Variants in ILDR1 observed in about 807,000 individuals in gnomAD.
ILDR1 encodes immunoglobulin like domain containing receptor 1.
Under a neutral mutation model 62.4 loss-of-function variants are expected in ILDR1, and 56 were observed. The ratio of observed to expected loss-of-function variants is 0.90; its 90% CI spans 0.72 to 1.12. The LOEUF is 1.12. ILDR1 is among the 50% of genes most tolerant of loss of function. ILDR1 has a pLI of 0.00. For missense variants in ILDR1, 736 were observed against 710.6 expected, an observed-to-expected ratio of 1.04 and a Z score of -0.41; for synonymous variants, 284 against 277.8, an observed-to-expected ratio of 1.02 and a Z score of -0.22.
In ILDR1 at chr3:121,988,239, T is replaced by G. The variant is rs767179327; in HGVS notation, c.*128A>C. 8.9e-6 allele frequency: 7 copies of G among 786,434 alleles called. No homozygotes were observed. Among genetic ancestry groups the G allele is most frequent in the Non-Finnish European group, 1.6e-5 (7 of 438,866 alleles). 48.7% of individuals were successfully genotyped at this position (786,434 alleles called of 1,614,324 possible). On this transcript the variant is annotated 3_prime_UTR_variant, in exon 8 of 8. Transcript: ENST00000344209. Reference sequence around the variant, plus strand: ...TTGTATTTAAAATTCTTCTATTTGATTCTCAGAATCTAAGCCAAAAACTGT... The same window carrying G: ...TTGTATTTAAAATTCTTCTATTTGAGTCTCAGAATCTAAGCCAAAAACTGT...
chr3:122,035,778 A>G, the ILDR1 span, among the ~76,000 whole-genome samples: 2 of 152,202 alleles, frequency 1.3e-5, no homozygotes, highest in Non-Finnish European at 2.9e-5. Context: ...AAAATTACCC[A>G]GTCTCATGTA....
Position 121,993,154 on chromosome 3 carries a change from C to A in ILDR1, c.1595G>T (p.Arg532Leu), listed in dbSNP as rs781753189. 13 of 1,588,190 alleles carry A rather than the reference C, an allele frequency of 8.2e-6. No individual in the cohort carries two copies. The highest frequency in any genetic ancestry group is 2.3e-5 in the South Asian group (2 of 87,444). The change falls in exon 7 of 8, where the codon CGC becomes CTC. Residue 532 changes from arginine to leucine, a missense_variant. Coordinates refer to ENST00000344209, the MANE Select transcript of ILDR1 (RefSeq NM_001199799.2). ...AGCAGGATGCCCCAGGCTCACCGAG[C>A]GCCTCTCCACACTCCCTTTTTTCCT... Reference protein sequence around the residue: ...NSRKKGSVERRSEKDSSHSGR... With the variant: ...NSRKKGSVERLSEKDSSHSGR...
At chr3:122,034,169 T>C in the ILDR1 span, among the ~76,000 whole-genome samples, 1 of 152,254 alleles carries the variant, frequency 6.6e-6, no homozygotes, top group East Asian at 1.9e-4. Context: ...TTTAACATTT[T>C]ATTTGTTGTT....
At position 122,022,244 on chromosome 3, in the gene ILDR1, G is replaced by T; in HGVS notation, c.-167C>A. 1 of 571,918 alleles carries T rather than the reference G, an allele frequency of 1.7e-6. No individual in the cohort carries two copies. Among genetic ancestry groups the T allele is most frequent in the East Asian group, 3.3e-5 (1 of 30,032 alleles). 35.4% of individuals were successfully genotyped at this position (571,918 alleles called of 1,614,324 possible). ...CCGCTCTGGTCCCGGGGCAGGTGCC[G>T]CCCGGCTCGTCCCCACCTGCGGCGC... On this transcript the variant is annotated 5_prime_UTR_variant, in exon 1 of 8. Transcript: ENST00000344209.
At chr3:122,045,009 T>A in the ILDR1 span, among the ~76,000 whole-genome samples, 2 of 151,254 alleles carry the variant, frequency 1.3e-5, no homozygotes, top group Non-Finnish European at 3.0e-5. Context: ...ATTGTGATGT[T>A]AGGGTGTCAA....
the ILDR1 span, among the ~76,000 whole-genome samples, chr3:122,047,339 A>C: frequency 6.6e-6 from 1 of 152,210 alleles, no homozygotes; most frequent in East Asian, 1.9e-4. Context: ...AGAGAGGGAC[A>C]CTTAAGTCTG....
rs1261186772 is a variant in ILDR1, at chr3:122,001,825, T to A, written c.419A>T (p.His140Leu). Residue 140 changes from histidine to leucine, a missense_variant, in exon 4 of 8, where the codon CAT becomes CTT. Transcript: ENST00000344209. ...LVINEVMWWD[H>L]GVYYCTIEAP... ...CTCAATGGTGCAGTAATACACTCCA[T>A]GGTCCCACCACATCACTTCATTTAT... is the stretch of plus-strand genomic sequence containing the variant. 7.4e-6 allele frequency: 12 copies of A among 1,613,540 alleles called. No individual in the cohort carries two copies. Among genetic ancestry groups the A allele is most frequent in the South Asian group, 1.1e-5 (1 of 91,054 alleles).
At chr3:122,028,335 CAAAAAAAAA>C in the ILDR1 span, among the ~76,000 whole-genome samples, 18 of 95,474 alleles carry the variant, frequency 1.9e-4, no homozygotes, top group South Asian at 2.1e-3. Context: ...GACTCCATCT[CAAAAAAAAA>C]AAAAAAAAAA....
the ILDR1 span, among the ~76,000 whole-genome samples, chr3:122,057,884 A>C: frequency 1.9e-4 from 29 of 152,328 alleles, no homozygotes; most frequent in African/African-American, 7.0e-4. Context: ...GGTGAGTTGC[A>C]TATTGAGAGG....
At chr3:122,005,438 C>T in intron 2 of ILDR1, 45 bp from the exon 3 acceptor site, 1 of 1,605,348 alleles carries the variant, frequency 6.2e-7, no homozygotes, top group Non-Finnish European at 8.5e-7. Flanking sequence ...ATAGGGGGTT[C>T]CCACAAAAAA....
the ILDR1 span, among the ~76,000 whole-genome samples, chr3:122,053,588 C>G: frequency 9.9e-5 from 15 of 152,016 alleles, no homozygotes; most frequent in African/African-American, 3.1e-4. Flanking sequence ...TTATGTTGCC[C>G]AAGATGTTCT....
chr3:122,033,535 C>A, the ILDR1 span, among the ~76,000 whole-genome samples: 4 of 151,460 alleles, frequency 2.6e-5, no homozygotes, highest in East Asian at 7.7e-4. Context: ...CTTTAAAGTC[C>A]TCAAGATTTT....
At chr3:121,994,371 A>T in intron 5 of ILDR1, 58 bp from the exon 6 acceptor site, 1 of 1,486,782 alleles carries the variant, frequency 6.7e-7, no homozygotes, top group South Asian at 1.3e-5. Context: ...CACACCTCCC[A>T]CTTCACTTCT....
chr3:122,031,724 T>C, the ILDR1 span, among the ~76,000 whole-genome samples: 1 of 152,172 alleles, frequency 6.6e-6, no homozygotes, highest in African/African-American at 2.4e-5. Flanking sequence ...TCACCAGACA[T>C]TGAATCTGCC....
At chr3:122,005,945 A>T (rs28641820) in intron 2 of ILDR1, among the ~76,000 whole-genome samples, 38,640 of 151,806 alleles carry the variant, frequency 0.25, 5,677 homozygotes, top group East Asian at 0.71. Flanking sequence ...ACAAAAAAAA[A>T]ACCAAAACAG....
intron 5 of ILDR1, among the ~76,000 whole-genome samples, chr3:121,997,452 T>C (rs2071453154): frequency 6.6e-6 from 1 of 152,156 alleles, no homozygotes; most frequent in Admixed American, 6.5e-5. Flanking sequence ...CAAACATGCA[T>C]TCCCTCCTCT....
chr3:122,013,216 T>C (rs1026278490), intron 1 of ILDR1, among the ~76,000 whole-genome samples: 8 of 152,210 alleles, frequency 5.3e-5, no homozygotes, highest in South Asian at 2.1e-4. Flanking sequence ...CTGTGTAGTA[T>C]TAGATTTGGC....
At chr3:121,998,567 T>G (rs527496300) in intron 5 of ILDR1, among the ~76,000 whole-genome samples, 5 of 152,306 alleles carry the variant, frequency 3.3e-5, no homozygotes, top group Non-Finnish European at 5.9e-5. Flanking sequence ...CCGCAGAACC[T>G]CCATTTATTA....
chr3:122,000,398 A>G (rs1041510174), intron 5 of ILDR1, among the ~76,000 whole-genome samples: 5 of 152,212 alleles, frequency 3.3e-5, no homozygotes, highest in Non-Finnish European at 5.9e-5. Flanking sequence ...AAAACCCAAA[A>G]GGACTAGGTT....
Sources: allele counts gnomAD v4.1 joint callset (sites outside exome capture counted in the v4.1 genomes callset), GRCh38; gene constraint gnomAD v4.1.1; transcripts MANE v1.5; gene names NCBI Gene and HGNC (gene_info 2026-07-23, HGNC 2026-07-21).